Variants in SNCAIP observed in about 807,000 individuals in gnomAD.
The protein encoded by SNCAIP is synphilin-1.
Under a neutral mutation model 86.7 loss-of-function variants are expected in SNCAIP, and 43 were observed. The ratio of observed to expected loss-of-function variants is 0.50; its 90% confidence interval spans 0.39 to 0.64. The LOEUF (loss-of-function observed/expected upper bound fraction) is 0.64, where lower values mean the gene tolerates loss of function less well. Ranked by LOEUF, SNCAIP falls within the 30% of genes least tolerant of loss-of-function variation. The pLI, the probability that SNCAIP is intolerant of heterozygous loss-of-function variation, is 0.00. For missense variants in SNCAIP, 981 were observed against 1,103.1 expected (o/e 0.89, Z 1.57); for synonymous variants, 417 against 427.2 (o/e 0.98, Z 0.29).
intron 2 of SNCAIP, chr5:122,401,178 T>C (rs1369012172): frequency 6.6e-7 from 1 of 1,506,604 alleles, no homozygotes; most frequent in Non-Finnish European, 8.9e-7. Context: ...TCCTGTGAAC[T>C]GGGATGAAGG....
chr5:122,399,903 T>C (rs1479944931), intron 2 of SNCAIP, among the ~76,000 whole-genome samples: 1 of 152,018 alleles, frequency 6.6e-6, no homozygotes, highest in East Asian at 1.9e-4. Flanking sequence ...ATTCAGTAGG[T>C]CTGGGATGAA....
At chr5:122,433,215 G>A (rs1778758372) in intron 6 of SNCAIP, among the ~76,000 whole-genome samples, 1 of 151,932 alleles carries the variant, frequency 6.6e-6, no homozygotes, top group South Asian at 2.1e-4. Context: ...TTTCCTATGT[G>A]TGCCAGGCAC....
intron 1 of SNCAIP, among the ~76,000 whole-genome samples, chr5:122,327,371 C>T (rs999788724): frequency 2.0e-5 from 3 of 152,076 alleles, no homozygotes; most frequent in African/African-American, 4.8e-5. Flanking sequence ...CACATTATTT[C>T]GGGCAGTCAT....
At chr5:122,417,316 TTTCATAGTGAGTCA>T (rs1490131949) in intron 3 of SNCAIP, among the ~76,000 whole-genome samples, 1 of 152,200 alleles carries the variant, frequency 6.6e-6, no homozygotes, top group Non-Finnish European at 1.5e-5. Flanking sequence ...AATTATAGTG[TTTCATAGTGAGTCA>T]TTCAGAATAA....
chr5:122,434,373 G>T (rs111896648), intron 6 of SNCAIP, among the ~76,000 whole-genome samples: 1 of 152,110 alleles, frequency 6.6e-6, no homozygotes, highest in Non-Finnish European at 1.5e-5. Flanking sequence ...TTGATTATAT[G>T]TGCCAGTTTC....
At chr5:122,334,776 G>A (rs867956962) in intron 1 of SNCAIP, among the ~76,000 whole-genome samples, 19 of 152,274 alleles carry the variant, frequency 1.2e-4, no homozygotes, top group Middle Eastern at 6.8e-3. Context: ...GTAGACCTAA[G>A]CTAAATAGAA....
intron 1 of SNCAIP, among the ~76,000 whole-genome samples, chr5:122,363,434 C>G (rs985487653): frequency 1.3e-5 from 2 of 152,122 alleles, no homozygotes; most frequent in African/African-American, 2.4e-5. Flanking sequence ...TGGCAGAACT[C>G]CTTCTCCTAA....
chr5:122,418,364 T>C (rs931516525), intron 3 of SNCAIP, among the ~76,000 whole-genome samples: 40 of 152,216 alleles, frequency 2.6e-4, no homozygotes, highest in African/African-American at 9.4e-4. Context: ...TATTTTTGCT[T>C]TACCTGTATT....
chr5:122,378,379 A>G (rs1222621540), intron 1 of SNCAIP, among the ~76,000 whole-genome samples: 1 of 130,804 alleles, frequency 7.6e-6, no homozygotes, highest in Admixed American at 7.3e-5. Flanking sequence ...CCACTTTTTG[A>G]TGGGGTTGTT....
At chr5:122,453,708 G>T (rs1044155634) in intron 10 of SNCAIP, among the ~76,000 whole-genome samples, 2 of 151,776 alleles carry the variant, frequency 1.3e-5, no homozygotes, top group Non-Finnish European at 2.9e-5. Flanking sequence ...TGCCTTAATT[G>T]GTTTACTTCA....
chr5:122,379,941 C>G (rs1334563623), intron 1 of SNCAIP, among the ~76,000 whole-genome samples: 1 of 152,054 alleles, frequency 6.6e-6, no homozygotes, highest in East Asian at 1.9e-4. Context: ...ATTCGGTTTG[C>G]CAGTATTTTA....
chr5:122,440,281 CAA>C (rs1224041720), intron 6 of SNCAIP, among the ~76,000 whole-genome samples: 10 of 152,188 alleles, frequency 6.6e-5, no homozygotes, highest in Non-Finnish European at 7.3e-5. Context: ...GCCTTGGAAT[CAA>C]AAGACATGGA....
chr5:122,425,519 C>A lies in SNCAIP; in HGVS notation c.1170C>A (p.Gly390=), dbSNP rs147419360. 2.2e-4 allele frequency: 351 copies of A among 1,613,882 alleles called. 1 individual carries two copies. The African/African-American group carries it at 4.1e-3, about 19-fold the overall frequency. ...ERNTEKLTPA[G]LAIKNGQLEC... ...ACACTGAGAAGTTGACTCCAGCAGGCCTGGCCATTAAGGTGACTGGTTGGG... is the reference window on the plus strand; with the variant it reads ...ACACTGAGAAGTTGACTCCAGCAGGACTGGCCATTAAGGTGACTGGTTGGG... The change falls in exon 5 of 11, where the codon GGC becomes GGA. Residue 390 remains glycine, a synonymous_variant. Coordinates refer to ENST00000261368, the MANE Select transcript of SNCAIP (RefSeq NM_005460.4).
chr5:122,398,948 A>G (rs964414104), intron 2 of SNCAIP, among the ~76,000 whole-genome samples: 1 of 152,156 alleles, frequency 6.6e-6, no homozygotes, highest in Non-Finnish European at 1.5e-5. Flanking sequence ...GCTGGGATGT[A>G]TAGAATCATC....
At chr5:122,413,714 ATTCCTGCT>A in intron 3 of SNCAIP, among the ~76,000 whole-genome samples, 1 of 152,204 alleles carries the variant, frequency 6.6e-6, no homozygotes, top group African/African-American at 2.4e-5. Context: ...CATGCTTTGT[ATTCCTGCT>A]TTCCTTGCTA....
intron 1 of SNCAIP, among the ~76,000 whole-genome samples, chr5:122,327,799 T>C (rs552226337): frequency 6.6e-6 from 1 of 152,352 alleles, no homozygotes; most frequent in Admixed American, 6.5e-5. Flanking sequence ...AGTCTTTTTC[T>C]TCTAGCTAAT....
At chr5:122,385,670 CGTATGT>C (rs1237519831) in intron 1 of SNCAIP, among the ~76,000 whole-genome samples, 1,533 of 144,656 alleles carry the variant, frequency 0.011, 23 homozygotes, top group African/African-American at 0.038. Context: ...CGTGTGCGCA[CGTATGT>C]GTGTGTGTGT....
intron 1 of SNCAIP, among the ~76,000 whole-genome samples, chr5:122,346,371 A>T (rs1038201552): frequency 5.3e-5 from 8 of 152,114 alleles, no homozygotes; most frequent in African/African-American, 1.2e-4. Context: ...GGACTTTTTT[A>T]AAAAACTCAA....
At chr5:122,417,867 G>C (rs1026417141) in intron 3 of SNCAIP, among the ~76,000 whole-genome samples, 1 of 152,194 alleles carries the variant, frequency 6.6e-6, no homozygotes, top group African/African-American at 2.4e-5. Flanking sequence ...TTGCCCTTGA[G>C]GGGTTCTCAG....
Sources: gnomAD v4.1 joint callset for allele counts (sites outside exome capture counted in the v4.1 genomes callset) on GRCh38, gnomAD v4.1.1 for gene constraint, MANE v1.5 for transcripts, NCBI Gene and HGNC (gene_info 2026-07-23, HGNC 2026-07-21) for gene names.